Variants in CD55 observed in about 807,000 individuals in gnomAD.
The protein encoded by CD55 is complement decay-accelerating factor.
CD55 carries 41 observed loss-of-function variants against 45.8 expected under a neutral mutation model. That is an observed-to-expected ratio of 0.90 (90% confidence interval 0.70 to 1.16). The LOEUF is 1.16. Among genes scored for constraint, CD55 ranks in the 50% most tolerant of loss-of-function variants. The probability of loss-of-function intolerance (pLI) is 0.00; values close to 1 mark genes in which losing one functional copy is unlikely to be tolerated. For synonymous variants in CD55, 181 were observed against 181.1 expected (o/e 1.00, Z 0.01); for missense variants, 416 against 469.8 (o/e 0.89, Z 1.06).
At chr1:207,321,893 G>A (rs370461493) in intron 1 of CD55, 28 bp downstream of exon 1, 5 of 1,468,650 alleles carry the variant, frequency 3.4e-6, no homozygotes, top group Non-Finnish European at 4.5e-6. Flanking sequence ...GGCCGGGGAA[G>A]CCCCTGGGCT....
At chr1:207,343,964 G>A (rs1655529844) in intron 9 of CD55, among the ~76,000 whole-genome samples, 1 of 152,150 alleles carries the variant, frequency 6.6e-6, no homozygotes, top group Non-Finnish European at 1.5e-5. Context: ...TGTTTCATCT[G>A]ATATAAGTAC....
Position 207,351,905 on chromosome 1 carries a change from C to T in CD55, c.1082-7641C>T, listed in dbSNP as rs191745393. Reference sequence around the variant, plus strand: ...GGAAGTCCTTCCTTCTTAAACTGGACATATGGCAACATTTTTTGTGTGTGA... The same window carrying T: ...GGAAGTCCTTCCTTCTTAAACTGGATATATGGCAACATTTTTTGTGTGTGA... On this transcript the variant is annotated intron_variant, in intron 9 of 9. Transcript: ENST00000367064. Among the ~76,000 whole-genome samples the T allele has an allele frequency of 5.9e-5, 9 of 152,174 alleles. 1 individual carries two copies. In the South Asian group the frequency reaches 1.0e-3, roughly 18 times the overall value.
chr1:207,329,398 A>T (rs574780322), intron 5 of CD55, among the ~76,000 whole-genome samples: 1 of 152,324 alleles, frequency 6.6e-6, no homozygotes, highest in East Asian at 1.9e-4. Context: ...TGTTTCATCC[A>T]TATTTTACCC....
intron 8 of CD55, 31 bp downstream of exon 8, chr1:207,337,440 A>G (rs771318599): frequency 8.9e-6 from 10 of 1,117,620 alleles, no homozygotes; most frequent in East Asian, 7.0e-5. Context: ...TTTACTGAGT[A>G]TGGATCTAAT....
In CD55 at chr1:207,347,967, T is replaced by A. The variant is rs531378052; in HGVS notation, c.1081+8550T>A. Among the ~76,000 whole-genome samples the A allele has an allele frequency of 8.5e-5, 13 of 152,376 alleles. No homozygotes were observed. The South Asian group carries it at 2.5e-3, about 29-fold the overall frequency. On this transcript the variant is annotated intron_variant, in intron 9 of 9. Transcript: ENST00000367064. The stretch of plus-strand genomic sequence containing the variant: ...GTGGTGTATATATACCACATTTTCT[T>A]TATCCAGTTCACCACTGATGTGCAT...
rs1654601636 is a variant in CD55 at position 207,324,863 on chromosome 1, C to G, written c.478+113C>G. The G allele has an allele frequency of 5.6e-6, 3 of 536,748 alleles. No homozygotes were observed. In the East Asian group the frequency reaches 9.2e-5, roughly 16 times the overall value. 33.2% of individuals were successfully genotyped at this position (536,748 alleles called of 1,614,324 possible). ...GTATATATTATTATATAGGATGTTT[C>G]TTGATAGGACCATGAGTGTCAATTT... On this transcript the variant is annotated intron_variant, in intron 3 of 9. Transcript: ENST00000367064.
At chr1:207,336,598 G>C in intron 6 of CD55, 95 bp from the exon 7 acceptor site, 1 of 1,398,662 alleles carries the variant, frequency 7.1e-7, no homozygotes. Flanking sequence ...TTTGTGGGGA[G>C]AGAGAAAGGA....
At chr1:207,353,415 A>G (rs142026368) in intron 9 of CD55, among the ~76,000 whole-genome samples, 1 of 152,222 alleles carries the variant, frequency 6.6e-6, no homozygotes, top group Non-Finnish European at 1.5e-5. Context: ...TCCCCTAACA[A>G]TTGTGTACTT....
rs1438026386 is a variant in CD55, at chr1:207,359,737, A to G, written c.*127A>G. 3.9e-6 allele frequency: 5 copies of G among 1,289,894 alleles called. No individual in the cohort carries two copies. In the East Asian group the frequency reaches 8.5e-5, roughly 22 times the overall value. 79.9% of individuals were successfully genotyped at this position (1,289,894 alleles called of 1,614,324 possible). A position where few individuals can be genotyped will look rare whatever the true frequency, so the allele number is the denominator to read the frequency against. On this transcript the variant is annotated 3_prime_UTR_variant, in exon 10 of 10. Transcript: ENST00000367064. ...CATTTAGGATGCTTTCATTGTCTTT[A>G]AGATGTGTTAGGAATGTCAACAGAG... is the stretch of plus-strand genomic sequence containing the variant.
intron 6 of CD55, among the ~76,000 whole-genome samples, chr1:207,333,230 C>T (rs1161815766): frequency 6.6e-6 from 1 of 152,198 alleles, no homozygotes; most frequent in Non-Finnish European, 1.5e-5. Context: ...CATCTGTGCT[C>T]ATTTTGAAAC....
At chr1:207,323,917 C>T (rs543880003) in intron 2 of CD55, among the ~76,000 whole-genome samples, 129 of 152,264 alleles carry the variant, frequency 8.5e-4, no homozygotes, top group Middle Eastern at 3.4e-3. Context: ...GCAGCTTTTA[C>T]GCCAAAACCA....
At position 207,360,800 on chromosome 1, in the gene CD55, G is replaced by A. The variant is rs753994405; in HGVS notation, c.*1190G>A. The A allele has an allele frequency of 1.3e-5, 2 of 152,082 alleles. No individual in the cohort carries two copies. The highest frequency in any genetic ancestry group is 2.4e-5 in the African/African-American group (1 of 41,388). 9.4% of individuals were successfully genotyped at this position (152,082 alleles called of 1,614,324 possible). ...TTTAAGTGTTAGACTAGACTAAGAT[G>A]TACTAGTTGTATAGAATATAACTAG... On this transcript the variant is annotated 3_prime_UTR_variant, in exon 10 of 10. Coordinates refer to ENST00000367064, the MANE Select transcript of CD55 (RefSeq NM_000574.5).
At chr1:207,334,104 T>G (rs1655067889) in intron 6 of CD55, among the ~76,000 whole-genome samples, 1 of 151,990 alleles carries the variant, frequency 6.6e-6, no homozygotes, top group Non-Finnish European at 1.5e-5. Flanking sequence ...GCAAAAAATC[T>G]AACTCTAAGC....
rs138016651 is a variant in CD55, at chr1:207,340,516, C to T, written c.1081+1099C>T. On this transcript the variant is annotated intron_variant, in intron 9 of 9. Coordinates refer to ENST00000367064, the MANE Select transcript of CD55 (RefSeq NM_000574.5). ...AAGTAGCTGGTACTACAGGTGTGTGCCACGACACCCGGCTAAGTTTTTGAA... is the reference window on the plus strand; with the variant it reads ...AAGTAGCTGGTACTACAGGTGTGTGTCACGACACCCGGCTAAGTTTTTGAA... The T allele has an allele frequency of 2.1e-4, 146 of 697,320 alleles. 2 individuals carry two copies. In the African/African-American group the frequency reaches 2.2e-3, roughly 11 times the overall value. 43.2% of individuals were successfully genotyped at this position (697,320 alleles called of 1,614,324 possible). A position where few individuals can be genotyped will look rare whatever the true frequency, so the allele number is the denominator to read the frequency against.
intron 7 of CD55, chr1:207,337,091 G>A: frequency 1.7e-6 from 1 of 605,286 alleles, no homozygotes; most frequent in Non-Finnish European, 2.9e-6. Flanking sequence ...ATCCCCAGCA[G>A]CAGCTCAGAC....
At chr1:207,351,771 T>G (rs1390218938) in intron 9 of CD55, among the ~76,000 whole-genome samples, 3 of 152,184 alleles carry the variant, frequency 2.0e-5, no homozygotes, top group Non-Finnish European at 4.4e-5. Context: ...TGGCACTCAA[T>G]GAAGGTTTGA....
chr1:207,359,174 T>C (rs1270714338), intron 9 of CD55, among the ~76,000 whole-genome samples: 3 of 152,146 alleles, frequency 2.0e-5, no homozygotes, highest in Non-Finnish European at 2.9e-5. Context: ...TGTCTTCATC[T>C]CTTAATCTTC....
chr1:207,353,690 T>C (rs779771183), intron 9 of CD55, among the ~76,000 whole-genome samples: 2 of 152,032 alleles, frequency 1.3e-5, no homozygotes, highest in African/African-American at 2.4e-5. Context: ...GAAAAGGAAG[T>C]ATGTGAATTT....
chr1:207,328,625 T>C (rs954870774), intron 5 of CD55, among the ~76,000 whole-genome samples: 1 of 152,228 alleles, frequency 6.6e-6, no homozygotes, highest in Non-Finnish European at 1.5e-5. Flanking sequence ...TGCCAATGTT[T>C]TCTTTTTCAA....
Sources: gnomAD v4.1 joint callset for allele counts (sites outside exome capture counted in the v4.1 genomes callset) on GRCh38, gnomAD v4.1.1 for gene constraint, MANE v1.5 for transcripts, NCBI Gene and HGNC (gene_info 2026-07-23, HGNC 2026-07-21) for gene names.